Variants in LPIN1 observed in about 807,000 individuals in gnomAD.
LPIN1 encodes lipin 1.
In LPIN1, 71 loss-of-function variants were observed where a neutral mutation model predicts 107.5. The ratio of observed to expected loss-of-function variants is 0.66; its 90% confidence interval spans 0.55 to 0.80. LPIN1 has a LOEUF of 0.80. LPIN1 is among the 30% of genes least tolerant of loss of function. The probability of loss-of-function intolerance (pLI) is 0.00; values close to 1 mark genes in which losing one functional copy is unlikely to be tolerated. For synonymous variants in LPIN1, 445 were observed against 452.6 expected, an observed-to-expected ratio of 0.98 and a Z score of 0.21; for missense variants, 1,043 against 1,160.6, an observed-to-expected ratio of 0.90 and a Z score of 1.47.
At position 11,824,719 on chromosome 2, in the gene LPIN1, C is replaced by A. The variant is rs1377894468; in HGVS notation, c.2709C>A (p.Phe903Leu). Reference protein sequence around the residue: ...HSSDFPCSDTFSNFTFWREPL... With the variant: ...HSSDFPCSDTLSNFTFWREPL... ...CAGACTTTCCCTGTTCGGATACCTTCAGTAACTTCACCTTTTGGAGAGAGC... is the reference window on the plus strand; with the variant it reads ...CAGACTTTCCCTGTTCGGATACCTTAAGTAACTTCACCTTTTGGAGAGAGC... Residue 903 changes from phenylalanine (F) to leucine (L), a missense_variant, in exon 21 of 21, where the codon TTC (phenylalanine) becomes TTA (leucine). Phe to Leu is a conservative substitution (Grantham distance 22, BLOSUM62 0). Transcript: ENST00000674199. 1.2e-6 allele frequency: 2 copies of A among 1,614,204 alleles called. No homozygotes were observed. Among genetic ancestry groups the A allele is most frequent in the South Asian group, 2.2e-5 (2 of 91,080 alleles).
At chr2:11,760,693 G>A (rs952817045) in intron 1 of LPIN1, among the ~76,000 whole-genome samples, 1 of 152,136 alleles carries the variant, frequency 6.6e-6, no homozygotes, top group African/African-American at 2.4e-5. Flanking sequence ...GGGAGACGGT[G>A]GGGAGAGGGA....
At chr2:11,750,064 G>A (rs1489825565) in intron 1 of LPIN1, among the ~76,000 whole-genome samples, 1 of 152,094 alleles carries the variant, frequency 6.6e-6, no homozygotes, top group African/African-American at 2.4e-5. Flanking sequence ...TTTGCCTGCT[G>A]GCACGCACTT....
chr2:11,785,365 G>A (rs1158275079), intron 10 of LPIN1, among the ~76,000 whole-genome samples: 1 of 152,208 alleles, frequency 6.6e-6, no homozygotes, highest in Non-Finnish European at 1.5e-5. Context: ...GGGGGTGTCA[G>A]TCTAATTAAA....
intron 17 of LPIN1, among the ~76,000 whole-genome samples, chr2:11,812,661 A>T (rs1009779842): frequency 6.6e-6 from 1 of 152,058 alleles, no homozygotes; most frequent in Non-Finnish European, 1.5e-5. Flanking sequence ...GTCATTGCAG[A>T]TGGGGTTGGG....
intron 1 of LPIN1, among the ~76,000 whole-genome samples, chr2:11,760,322 A>G (rs1364515805): frequency 6.6e-6 from 1 of 152,224 alleles, no homozygotes. Context: ...TTGGGAGGCC[A>G]AGGCAGGCGG....
intron 6 of LPIN1, among the ~76,000 whole-genome samples, chr2:11,776,995 G>C (rs1019749872): frequency 6.6e-6 from 1 of 152,332 alleles, no homozygotes; most frequent in Middle Eastern, 3.4e-3. Context: ...GTTGTTAATA[G>C]TTAAAACTAA....
intron 1 of LPIN1, among the ~76,000 whole-genome samples, chr2:11,759,870 C>T (rs1446325346): frequency 6.8e-4 from 91 of 132,966 alleles, no homozygotes; most frequent in African/African-American, 2.4e-3. Flanking sequence ...CTGCCCCCCA[C>T]CTCCCTCCCG....
chr2:11,762,027 C>T (rs1247150693), intron 1 of LPIN1, among the ~76,000 whole-genome samples: 1 of 152,058 alleles, frequency 6.6e-6, no homozygotes, highest in African/African-American at 2.4e-5. Context: ...AGCTGTCCCT[C>T]ACTTCAGATG....
intron 14 of LPIN1, among the ~76,000 whole-genome samples, chr2:11,800,406 A>C (rs1677495471): frequency 6.6e-6 from 1 of 151,632 alleles, no homozygotes; most frequent in African/African-American, 2.4e-5. Flanking sequence ...GGTTGTAGGG[A>C]TCTCTTTTTT....
chr2:11,748,547 T>C (rs1424072989), intron 1 of LPIN1, among the ~76,000 whole-genome samples: 1 of 152,170 alleles, frequency 6.6e-6, no homozygotes, highest in Non-Finnish European at 1.5e-5. Flanking sequence ...CCACGAATCA[T>C]TGTGGTTGTT....
chr2:11,820,519 G>T lies in LPIN1; in HGVS notation c.2621+5G>T. ...TGCAAAGACCAACATCTCTTCGTGA[G>T]TATTGTACACATTTTATGTGATTAT... On this transcript the variant is annotated splice_donor_5th_base_variant and intron_variant, in intron 20 of 20. Coordinates refer to ENST00000674199, the MANE Select transcript of LPIN1 (RefSeq NM_001349206.2). The T allele has an allele frequency of 6.3e-7, 1 of 1,586,682 alleles. No homozygotes were observed. The highest frequency in any genetic ancestry group is 8.7e-7 in the Non-Finnish European group (1 of 1,154,994).
In LPIN1 at chr2:11,824,847, G is replaced by T. The variant is rs554442713; in HGVS notation, c.*56G>T. On this transcript the variant is annotated 3_prime_UTR_variant, in exon 21 of 21. Coordinates refer to ENST00000674199, the MANE Select transcript of LPIN1 (RefSeq NM_001349206.2). ...CAGAGCCTGGTTGTCACCCATTAAA[G>T]GATAGGTCTCCCCGGAGTGCACAGC... The T allele has an allele frequency of 2.4e-5, 39 of 1,603,026 alleles. No homozygotes were observed. In the South Asian group the frequency reaches 2.6e-4, roughly 11 times the overall value.
upstream of LPIN1, among the ~76,000 whole-genome samples, chr2:11,720,665 A>C (rs966642532): frequency 1.3e-5 from 2 of 152,052 alleles, no homozygotes; most frequent in African/African-American, 2.4e-5. Context: ...GAAGCAATGC[A>C]GTGCGGCTTA....
intron 13 of LPIN1, chr2:11,792,395 CTTT>C: frequency 4.0e-6 from 1 of 250,994 alleles, no homozygotes; most frequent in Admixed American, 5.0e-5. Context: ...CCCCTCCTTT[CTTT>C]TTTGGAGACG....
Position 11,767,819 on chromosome 2 carries a change from T to C in LPIN1, c.249T>C (p.Asn83=), listed in dbSNP as rs774656515. The C allele has an allele frequency of 4.3e-6, 7 of 1,613,214 alleles. No homozygotes were observed. The Admixed American group carries it at 5.0e-5, about 12-fold the overall frequency. Residue 83 remains asparagine, a synonymous_variant, in exon 3 of 21, where the codon AAT becomes AAC. Transcript: ENST00000674199. ...SVDLHMKLGD[N]GEAFFVQETD... ...ATTTGCATATGAAATTGGGAGATAA[T>C]GGAGAAGCATTTTTTGTTCAAGAAA...
At chr2:11,759,987 C>T (rs1669470716) in intron 1 of LPIN1, among the ~76,000 whole-genome samples, 1 of 146,500 alleles carries the variant, frequency 6.8e-6, no homozygotes, top group Non-Finnish European at 1.5e-5. Context: ...GGCGGAGGGG[C>T]TCCTCACTTC....
intron 11 of LPIN1, 83 bp from the exon 12 acceptor site, chr2:11,788,304 T>A: frequency 9.2e-7 from 1 of 1,084,930 alleles, no homozygotes; most frequent in Non-Finnish European, 1.4e-6. Context: ...TCCCGAGCTT[T>A]CCTTGACTAC....
intron 3 of LPIN1, among the ~76,000 whole-genome samples, chr2:11,770,467 A>G (rs1360415065): frequency 1.3e-5 from 2 of 152,028 alleles, no homozygotes; most frequent in Non-Finnish European, 2.9e-5. Context: ...TCTTGATCTG[A>G]GAATCTGTGC....
At position 11,707,678 on chromosome 2, in the gene LPIN1, AG is replaced by A. The variant is rs976986094; in HGVS notation, c.82-6076del. Reference sequence around the variant, plus strand: ...AGAAGTGCTCGGGGTCCCCCACTGGAGGTGGAGCTGCAGGATTTGCTTGTGA... The same window carrying A: ...AGAAGTGCTCGGGGTCCCCCACTGGAGTGGAGCTGCAGGATTTGCTTGTGA... On this transcript the variant is annotated intron_variant, in intron 1 of 21. Coordinates refer to the LPIN1 transcript ENST00000449576. This position sits in a 1 kb window ranked among gnomAD's most constrained non-coding sequence, Gnocchi z 4.2. 4.6e-5 allele frequency among the ~76,000 whole-genome samples: 7 copies of A among 151,866 alleles called. No individual in the cohort carries two copies. Among genetic ancestry groups the A allele is most frequent in the African/African-American group, 1.7e-4 (7 of 41,354 alleles).
Sources: allele counts gnomAD v4.1 joint callset (sites outside exome capture counted in the v4.1 genomes callset), GRCh38; gene constraint gnomAD v4.1.1; non-coding constraint Gnocchi (gnomAD v3.1); transcripts MANE v1.5; gene names NCBI Gene and HGNC (gene_info 2026-07-23, HGNC 2026-07-21).